The following ELL variants were observed in gnomAD, a reference collection of about 807,000 sequenced individuals.
ELL encodes the protein elongation factor for RNA polymerase II, also known as RNA polymerase II elongation factor ELL.
A neutral mutation model predicts 64.0 loss-of-function variants in ELL; 18 were observed. The observed-to-expected ratio is 0.28, with a 90% CI of 0.19 to 0.42. ELL has a LOEUF of 0.42. Ranked by LOEUF, ELL falls within the 10% of genes least tolerant of loss-of-function variation. The probability of loss-of-function intolerance (pLI) is 1.00; values close to 1 mark genes in which losing one functional copy is unlikely to be tolerated. For missense variants in ELL, 797 were observed against 870.4 expected (o/e 0.92, Z 1.06); for synonymous variants, 399 against 376.2 (o/e 1.06, Z -0.70).
At position 18,461,808 on chromosome 19, in the gene ELL, C is replaced by T. The variant is rs145918214; in HGVS notation, c.514G>A (p.Ala172Thr). The change falls in exon 5 of 12, where the codon GCG becomes ACG. Residue 172 changes from alanine to threonine, a missense_variant. Physicochemically the swap from Ala to Thr is moderately conservative, Grantham distance 58 (BLOSUM62 0). Coordinates refer to ENST00000262809, the MANE Select transcript of ELL (RefSeq NM_006532.4). ...GTTGCCCGCTTCCGGGAGGGCACCG[C>T]GTCTGTTGCACCTGGGGCTGGTTTC... ...FRKPAPGATD[A>T]VPSRKRATPI... 95 of 1,613,950 alleles carry T rather than the reference C, an allele frequency of 5.9e-5. 1 individual carries two copies. Among genetic ancestry groups the T allele is most frequent in the Admixed American group, 2.3e-4 (14 of 60,014 alleles).
intron 5 of ELL, 103 bp downstream of exon 5, chr19:18,461,475 C>T: frequency 2.7e-6 from 4 of 1,506,262 alleles, no homozygotes; most frequent in Non-Finnish European, 3.5e-6. Context: ...AGGGCTCTTC[C>T]TTGCCAGTCC....
In ELL at chr19:18,449,072, A is replaced by T. The variant is rs752462129; in HGVS notation, c.1465+1405T>A. ...CTTGGGACATCTACCCCTGCTTTGC[A>T]TTTTCTCACCTGTGGTAGAGATGAC... is the stretch of plus-strand genomic sequence containing the variant. On this transcript the variant is annotated intron_variant, in intron 8 of 11. Coordinates refer to ENST00000262809, the MANE Select transcript of ELL (RefSeq NM_006532.4). The surrounding 1 kb of genome is among the most constrained non-coding windows in gnomAD (Gnocchi z 4.4). Among the ~76,000 whole-genome samples the T allele has an allele frequency of 6.6e-6, 1 of 152,012 alleles. No homozygotes were observed. Among genetic ancestry groups the T allele is most frequent in the Non-Finnish European group, 1.5e-5 (1 of 67,990 alleles).
intron 1 of ELL, among the ~76,000 whole-genome samples, chr19:18,484,025 C>T (rs776384317): frequency 1.3e-5 from 2 of 152,198 alleles, no homozygotes; most frequent in African/African-American, 2.4e-5. Context: ...CAGGGAAAGA[C>T]GCTGTCGTAT....
At chr19:18,503,377 T>C (rs1975821287) in intron 1 of ELL, among the ~76,000 whole-genome samples, 1 of 152,124 alleles carries the variant, frequency 6.6e-6, no homozygotes, top group Admixed American at 6.5e-5. Flanking sequence ...AGCAGACCCA[T>C]AGGAGCGAGG....
At chr19:18,467,238 G>T (rs546436467) in intron 2 of ELL, among the ~76,000 whole-genome samples, 168 of 152,226 alleles carry the variant, frequency 1.1e-3, no homozygotes, top group African/African-American at 3.8e-3. Context: ...AGTCTGCCCG[G>T]CCTGCAGACC....
chr19:18,481,215 T>C (rs1016396204), intron 1 of ELL, among the ~76,000 whole-genome samples: 1 of 152,190 alleles, frequency 6.6e-6, no homozygotes, highest in South Asian at 2.1e-4. Context: ...CAGAAAGTCT[T>C]ATCAATGGAA....
At chr19:18,518,680 A>T (rs1226260288) in intron 1 of ELL, among the ~76,000 whole-genome samples, 1 of 151,394 alleles carries the variant, frequency 6.6e-6, no homozygotes, top group Non-Finnish European at 1.5e-5. Context: ...AATCCCAGCT[A>T]CTTGGTAGGC....
intron 1 of ELL, among the ~76,000 whole-genome samples, chr19:18,490,685 C>T (rs1161068244): frequency 1.3e-5 from 2 of 152,204 alleles, no homozygotes; most frequent in African/African-American, 4.8e-5. Flanking sequence ...CCACGGCCCT[C>T]GGAAGGCATC....
At chr19:18,473,172 G>A in intron 1 of ELL, 1 of 657,176 alleles carries the variant, frequency 1.5e-6, no homozygotes, top group Non-Finnish European at 2.8e-6. Flanking sequence ...AGGATGCAGG[G>A]GCGGGGAGTG....
At chr19:18,502,263 T>C (rs929426088) in intron 1 of ELL, among the ~76,000 whole-genome samples, 1 of 152,052 alleles carries the variant, frequency 6.6e-6, no homozygotes, top group South Asian at 2.1e-4. Flanking sequence ...GGGAGACACA[T>C]GACCACCCTA....
chr19:18,494,573 T>C (rs1308122067), intron 1 of ELL, among the ~76,000 whole-genome samples: 1 of 152,144 alleles, frequency 6.6e-6, no homozygotes, highest in Non-Finnish European at 1.5e-5. Context: ...GTACTTTTAG[T>C]AGAGACAGGG....
At chr19:18,451,935 G>C (rs756065574) in intron 6 of ELL, among the ~76,000 whole-genome samples, 1 of 152,224 alleles carries the variant, frequency 6.6e-6, no homozygotes, top group Non-Finnish European at 1.5e-5. Flanking sequence ...TAGGGTGCTG[G>C]ACCCTGCTTT....
chr19:18,473,263 A>C, intron 1 of ELL: 1 of 519,170 alleles, frequency 1.9e-6, no homozygotes, highest in South Asian at 1.5e-5. Context: ...CAGCCCTGCC[A>C]GGAAAAAGCA....
chr19:18,484,609 C>T (rs985561755), intron 1 of ELL, among the ~76,000 whole-genome samples: 3 of 152,122 alleles, frequency 2.0e-5, no homozygotes, highest in Admixed American at 1.3e-4. Flanking sequence ...CACTGCACTC[C>T]GGCAGGGGTG....
At chr19:18,507,901 G>A (rs1034664509) in intron 1 of ELL, among the ~76,000 whole-genome samples, 1 of 152,220 alleles carries the variant, frequency 6.6e-6, no homozygotes, top group African/African-American at 2.4e-5. Flanking sequence ...CCCCAGAGAT[G>A]AGGATGCAGC....
chr19:18,509,582 T>TGTGCGC (rs1555739214), intron 1 of ELL, among the ~76,000 whole-genome samples: 10 of 95,536 alleles, frequency 1.0e-4, no homozygotes, highest in Admixed American at 2.0e-4. Context: ...CCAATGCACG[T>TGTGCGC]GCGCGCGCGC....
chr19:18,479,811 T>C (rs1265341862), intron 1 of ELL, among the ~76,000 whole-genome samples: 1 of 151,340 alleles, frequency 6.6e-6, no homozygotes, highest in East Asian at 1.9e-4. Context: ...CACAGACAGA[T>C]GGACGGGGCC....
Position 18,517,634 on chromosome 19 carries a change from G to A in ELL, c.135+4287C>T, listed in dbSNP as rs527251905. 3.3e-5 allele frequency among the ~76,000 whole-genome samples: 5 copies of A among 151,942 alleles called. No individual in the cohort carries two copies. The South Asian group carries it at 1.0e-3, about 32-fold the overall frequency. ...CCAGCACTTTGGGAGGCCGACACAG[G>A]AGGATCCCTTAAGCCCAGGAGTTCA... is the stretch of plus-strand genomic sequence containing the variant. On this transcript the variant is annotated intron_variant, in intron 1 of 11. Transcript: ENST00000262809.
chr19:18,494,316 G>A (rs1378832956), intron 1 of ELL, among the ~76,000 whole-genome samples: 2 of 152,162 alleles, frequency 1.3e-5, no homozygotes, highest in African/African-American at 2.4e-5. Flanking sequence ...AGATTTGGAT[G>A]TAGACGGTGC....
Sources: allele counts gnomAD v4.1 joint callset (sites outside exome capture counted in the v4.1 genomes callset), GRCh38; gene constraint gnomAD v4.1.1; non-coding constraint Gnocchi (gnomAD v3.1); transcripts MANE v1.5; gene names NCBI Gene and HGNC (gene_info 2026-07-23, HGNC 2026-07-21).